The following FAM117A variants were observed in gnomAD, a reference collection of about 807,000 sequenced individuals.
The protein encoded by FAM117A is family with sequence similarity 117 member A.
Under a neutral mutation model 44.1 loss-of-function variants are expected in FAM117A, and 21 were observed. The observed-to-expected ratio is 0.48, with a 90% CI of 0.34 to 0.69. The LOEUF is 0.69. FAM117A is among the 30% of genes least tolerant of loss of function. The pLI is 0.01. For missense variants in FAM117A, 498 were observed against 589.9 expected, an observed-to-expected ratio of 0.84 and a Z score of 1.61; for synonymous variants, 220 against 238.3, an observed-to-expected ratio of 0.92 and a Z score of 0.71.
At chr17:49,736,794 C>G (rs1306546891) in intron 1 of FAM117A, among the ~76,000 whole-genome samples, 2 of 152,208 alleles carry the variant, frequency 1.3e-5, no homozygotes, top group Non-Finnish European at 2.9e-5. Flanking sequence ...CTGGAATCCC[C>G]TGGAAGCAAT....
At chr17:49,784,933 T>A (rs2073801520) in intron 1 of FAM117A, among the ~76,000 whole-genome samples, 1 of 152,160 alleles carries the variant, frequency 6.6e-6, no homozygotes, top group South Asian at 2.1e-4. Flanking sequence ...ATGTCTTCAG[T>A]TAAAGTGGTT....
rs560890243 is a variant in FAM117A at position 49,762,806 on chromosome 17, A to T, written c.196+1086T>A. Among the ~76,000 whole-genome samples, 6 of 152,328 alleles carry T rather than the reference A, an allele frequency of 3.9e-5. No individual in the cohort carries two copies. The East Asian group carries it at 1.2e-3, about 29-fold the overall frequency. ...CAAGCCTCACTTTCAACTTATTGCC[A>T]ACCTCCTCATGCAAGTAGGTTCCTT... On this transcript the variant is annotated intron_variant, in intron 1 of 7. Transcript: ENST00000240364.
chr17:49,730,934 G>T (rs984398496), intron 2 of FAM117A, among the ~76,000 whole-genome samples: 7 of 152,110 alleles, frequency 4.6e-5, no homozygotes, highest in Non-Finnish European at 4.4e-5. Flanking sequence ...CAGATATTTG[G>T]CTCCATCTCA....
intron 1 of FAM117A, among the ~76,000 whole-genome samples, chr17:49,750,247 G>A (rs2073670929): frequency 6.7e-6 from 1 of 148,590 alleles, no homozygotes; most frequent in Admixed American, 6.7e-5. Flanking sequence ...ACGCCCACAT[G>A]TCCACACGCA....
At chr17:49,716,388 G>A in intron 6 of FAM117A, 73 bp from the exon 7 acceptor site, 1 of 1,352,326 alleles carries the variant, frequency 7.4e-7, no homozygotes, top group Non-Finnish European at 9.9e-7. Flanking sequence ...CAGGACTGAG[G>A]TGTAAAGTGG....
intron 5 of FAM117A, chr17:49,719,516 T>G (rs1295351248): frequency 4.9e-5 from 19 of 384,900 alleles, no homozygotes; most frequent in Non-Finnish European, 8.6e-5. Flanking sequence ...GGGGGCCTCC[T>G]CTCTGCCAAT....
At chr17:49,786,502 C>T (rs909989532) in intron 1 of FAM117A, among the ~76,000 whole-genome samples, 36 of 152,158 alleles carry the variant, frequency 2.4e-4, no homozygotes, top group African/African-American at 8.0e-4. Flanking sequence ...ATGAGCCAGG[C>T]GCAGTGGCTC....
upstream of FAM117A, among the ~76,000 whole-genome samples, chr17:49,764,540 T>C (rs543355772): frequency 6.6e-6 from 1 of 152,228 alleles, no homozygotes; most frequent in Non-Finnish European, 1.5e-5. Flanking sequence ...GAAATAATTT[T>C]TGGGGGCGGG....
rs533299145 is a variant in FAM117A at position 49,726,923 on chromosome 17, G to A, written c.367-4329C>T. 2.6e-5 allele frequency among the ~76,000 whole-genome samples: 4 copies of A among 151,604 alleles called. No homozygotes were observed. The South Asian group carries it at 8.4e-4, about 32-fold the overall frequency. On this transcript the variant is annotated intron_variant, in intron 2 of 7. Transcript: ENST00000240364. ...TGCGCCCAGAGTTCGAGGCTGCAGT[G>A]AGTCATGATAATACCACTGCACTCC...
chr17:49,742,026 A>G (rs1175682453), intron 1 of FAM117A, among the ~76,000 whole-genome samples: 1 of 152,212 alleles, frequency 6.6e-6, no homozygotes, highest in Non-Finnish European at 1.5e-5. Context: ...CACTTCTTTC[A>G]ATAGCTATCC....
At chr17:49,718,479 T>G (rs2073515955) in intron 5 of FAM117A, among the ~76,000 whole-genome samples, 1 of 149,324 alleles carries the variant, frequency 6.7e-6, no homozygotes, top group African/African-American at 2.5e-5. Context: ...CCATTCTGGC[T>G]AACAAAGTGA....
intron 3 of FAM117A, 121 bp downstream of exon 3, chr17:49,722,378 G>A (rs921300214): frequency 2.5e-6 from 2 of 797,122 alleles, no homozygotes; most frequent in African/African-American, 3.5e-5. Context: ...ATCAGGAAAA[G>A]GCCAGGTCAA....
chr17:49,757,904 C>A (rs2073705169), intron 1 of FAM117A, among the ~76,000 whole-genome samples: 1 of 152,176 alleles, frequency 6.6e-6, no homozygotes, highest in Non-Finnish European at 1.5e-5. Context: ...GGGTAACATG[C>A]ATCTCAAAGG....
intron 1 of FAM117A, among the ~76,000 whole-genome samples, chr17:49,733,414 C>T (rs887561456): frequency 6.6e-6 from 1 of 152,172 alleles, no homozygotes; most frequent in East Asian, 1.9e-4. Flanking sequence ...GGTGGTGGCT[C>T]ATGCTTGTAA....
chr17:49,786,903 G>T (rs576308083), intron 1 of FAM117A, among the ~76,000 whole-genome samples: 6 of 152,002 alleles, frequency 3.9e-5, no homozygotes, highest in African/African-American at 1.5e-4. Context: ...GGGCAGCATG[G>T]TGAAACTCTG....
intron 1 of FAM117A, among the ~76,000 whole-genome samples, chr17:49,770,374 T>C (rs762489439): frequency 9.2e-5 from 14 of 151,418 alleles, no homozygotes; most frequent in Non-Finnish European, 1.9e-4. Context: ...TTGAAAAAAT[T>C]ATGCTAAATG....
chr17:49,722,999 C>A (rs2073542508), intron 2 of FAM117A, among the ~76,000 whole-genome samples: 1 of 152,180 alleles, frequency 6.6e-6, no homozygotes, highest in South Asian at 2.1e-4. Context: ...ATGTGTAGCA[C>A]AGGCCCAGGC....
At chr17:49,717,456 G>A (rs186303862) in intron 6 of FAM117A, 57 bp downstream of exon 6, 3 of 1,513,154 alleles carry the variant, frequency 2.0e-6, no homozygotes, top group East Asian at 4.5e-5. Context: ...GGAAAAGGGA[G>A]TGGAGCCACT....
Position 49,754,242 on chromosome 17 carries a change from G to A in FAM117A, c.196+9650C>T, listed in dbSNP as rs757430254. Among the ~76,000 whole-genome samples the A allele has an allele frequency of 1.3e-5, 2 of 152,028 alleles. 1 individual carries two copies. The highest frequency in any genetic ancestry group is 4.2e-4 in the South Asian group (2 of 4,816). On this transcript the variant is annotated intron_variant, in intron 1 of 7. Transcript: ENST00000240364. ...TGCAGCTGTGGGGCAGGGAGTGCAC[G>A]TGTTATCAGGAGTGGTTTTCCCAAA...
Sources: gnomAD v4.1 joint callset for allele counts (sites outside exome capture counted in the v4.1 genomes callset) on GRCh38, gnomAD v4.1.1 for gene constraint, MANE v1.5 for transcripts, NCBI Gene and HGNC (gene_info 2026-07-23, HGNC 2026-07-21) for gene names.